The following FARP1 variants were observed in gnomAD, a reference collection of about 807,000 sequenced individuals.
FARP1 encodes the protein FERM, ARH/RhoGEF and pleckstrin domain protein 1.
In FARP1, 52 loss-of-function variants were observed where a neutral mutation model predicts 128.8. The ratio of observed to expected loss-of-function variants is 0.40; its 90% CI spans 0.32 to 0.51. The LOEUF is 0.51. FARP1 is among the 20% of genes least tolerant of loss of function. FARP1 has a pLI of 0.45. For synonymous variants in FARP1, 580 were observed against 551.8 expected (o/e 1.05, Z -0.72); for missense variants, 1,333 against 1,367.9 (o/e 0.97, Z 0.40).
intron 2 of FARP1, among the ~76,000 whole-genome samples, chr13:98,275,433 T>C (rs1488906211): frequency 6.6e-6 from 1 of 150,820 alleles, no homozygotes; most frequent in East Asian, 1.9e-4. Context: ...TGGCCATGAG[T>C]TGATGATTGT....
chr13:98,225,713 G>A (rs566302811), intron 2 of FARP1, among the ~76,000 whole-genome samples: 3 of 152,338 alleles, frequency 2.0e-5, no homozygotes, highest in South Asian at 4.1e-4. Flanking sequence ...GCCCTCCGGC[G>A]TCCTGCCAAC....
At chr13:98,225,569 G>A (rs940824391) in intron 2 of FARP1, among the ~76,000 whole-genome samples, 12 of 152,176 alleles carry the variant, frequency 7.9e-5, no homozygotes, top group African/African-American at 2.9e-4. Flanking sequence ...CTCTAAGGCA[G>A]ACTTTCCCGT....
At chr13:98,339,060 C>A (rs9582212) in intron 2 of FARP1, among the ~76,000 whole-genome samples, 5,883 of 152,188 alleles carry the variant, frequency 0.039, 393 homozygotes, top group African/African-American at 0.14. Flanking sequence ...TCTTGAAGCG[C>A]TTTAGGCTTA....
Position 98,453,327 on chromosome 13 carries a change from G to A in FARP1, c.*5010G>A. On this transcript the variant is annotated 3_prime_UTR_variant, in exon 27 of 27. Transcript: ENST00000319562. ...GAAATTCCAAGTCATACAAAAATAA[G>A]TGGAGCAAATATCAATGTGTAAGTC... The A allele has an allele frequency of 9.7e-7, 1 of 1,032,518 alleles. No individual in the cohort carries two copies. Among genetic ancestry groups the A allele is most frequent in the East Asian group, 2.4e-5 (1 of 40,992 alleles). The allele number at this position is 1,032,518 out of a possible 1,614,324, so 64.0% of individuals were successfully genotyped here. A position where few individuals can be genotyped will look rare whatever the true frequency, so the allele number is the denominator to read the frequency against.
chr13:98,301,910 C>G (rs984567540), intron 2 of FARP1, among the ~76,000 whole-genome samples: 2 of 152,038 alleles, frequency 1.3e-5, no homozygotes, highest in Non-Finnish European at 2.9e-5. Context: ...TTCGGGTGAC[C>G]GGATTTCTCA....
chr13:98,453,843 T>C lies in FARP1; in HGVS notation c.*5526T>C, dbSNP rs1017766420. ...ATATATATTAAAGCAATATTAAAAA[T>C]ATGTACAAGTTTAAAAGTACATACA... On this transcript the variant is annotated 3_prime_UTR_variant, in exon 27 of 27. Transcript: ENST00000319562. 1.3e-5 allele frequency: 2 copies of C among 152,202 alleles called. No homozygotes were observed. Among genetic ancestry groups the C allele is most frequent in the African/African-American group, 4.8e-5 (2 of 41,446 alleles). 9.4% of individuals were successfully genotyped at this position (152,202 alleles called of 1,614,324 possible).
intron 2 of FARP1, among the ~76,000 whole-genome samples, chr13:98,248,681 A>T (rs1883183091): frequency 6.6e-6 from 1 of 151,912 alleles, no homozygotes; most frequent in South Asian, 2.1e-4. Flanking sequence ...ATTACAGAAA[A>T]ATGTGAGTTG....
At position 98,343,793 on chromosome 13, in the gene FARP1, C is replaced by T; in HGVS notation, c.203C>T (p.Ala68Val). The T allele has an allele frequency of 6.2e-7, 1 of 1,614,046 alleles. No individual in the cohort carries two copies. Among genetic ancestry groups the T allele is most frequent in the Non-Finnish European group, 8.5e-7 (1 of 1,179,884 alleles). ...GCTCCTGGGAAGGTGCTGCTGGATG[C>T]AGTTTGCAACCACCTCAACCTCGTG... Reference protein sequence around the residue: ...QRAPGKVLLDAVCNHLNLVEG... With the variant: ...QRAPGKVLLDVVCNHLNLVEG... Residue 68 changes from alanine to valine, a missense_variant, in exon 3 of 27, where the codon GCA becomes GTA. Transcript: ENST00000319562.
chr13:98,358,096 G>A (rs1432622691), intron 3 of FARP1, among the ~76,000 whole-genome samples: 1 of 144,974 alleles, frequency 6.9e-6, no homozygotes, highest in Admixed American at 6.9e-5. Context: ...TCCTGACCTT[G>A]ACTACTTCCC....
chr13:98,207,681 G>T (rs193102256), intron 1 of FARP1, among the ~76,000 whole-genome samples: 1 of 151,716 alleles, frequency 6.6e-6, no homozygotes, highest in Non-Finnish European at 1.5e-5. Flanking sequence ...AAGGGGTGGG[G>T]TGGGGGAGGG....
chr13:98,444,626 A>G (rs1343340217), intron 24 of FARP1, among the ~76,000 whole-genome samples: 1 of 152,174 alleles, frequency 6.6e-6, no homozygotes, highest in Non-Finnish European at 1.5e-5. Context: ...GGAGCGAGGA[A>G]GGGCCGCTGG....
chr13:98,292,710 A>T (rs1410084326), intron 2 of FARP1, among the ~76,000 whole-genome samples: 1 of 152,192 alleles, frequency 6.6e-6, no homozygotes, highest in East Asian at 1.9e-4. Context: ...ATAAATTATC[A>T]TACATGTCAC....
In FARP1 at chr13:98,356,961, C is replaced by T. The variant is rs117922605; in HGVS notation, c.277-8434C>T. Among the ~76,000 whole-genome samples, 605 of 152,194 alleles carry T rather than the reference C, an allele frequency of 4.0e-3. 11 individuals carry two copies. The highest frequency in any genetic ancestry group is 0.01 in the East Asian group (54 of 5,176). ...AAATTACCCTTTTTTAAATCCCCAG[C>T]AATATTCTTTATTCTGACATCTGCA... On this transcript the variant is annotated intron_variant, in intron 3 of 26. Transcript: ENST00000319562.
intron 11 of FARP1, 92 bp from the exon 12 acceptor site, chr13:98,393,551 G>A (rs1423129100): frequency 1.0e-5 from 10 of 967,590 alleles, no homozygotes; most frequent in South Asian, 4.1e-5. Context: ...GCACTAATAC[G>A]TCCAACAAAA....
At chr13:98,181,627 T>TG (rs1410176235) in intron 1 of FARP1, among the ~76,000 whole-genome samples, 56 of 104,238 alleles carry the variant, frequency 5.4e-4, no homozygotes, top group Admixed American at 1.2e-3. Flanking sequence ...TTTATTTATT[T>TG]ATTTATTTAT....
chr13:98,406,608 C>T (rs1200029590), intron 13 of FARP1: 1 of 152,172 alleles, frequency 6.6e-6, no homozygotes, highest in African/African-American at 2.4e-5. Context: ...TCTTTAGGCT[C>T]CGTGAGTGAA....
chr13:98,180,544 T>G (rs866538991), intron 1 of FARP1, among the ~76,000 whole-genome samples: 2 of 152,206 alleles, frequency 1.3e-5, no homozygotes, highest in Non-Finnish European at 2.9e-5. Context: ...TTCTTGCAGT[T>G]CCTGGGATTT....
intron 1 of FARP1, among the ~76,000 whole-genome samples, chr13:98,188,197 G>A (rs1383361309): frequency 4.6e-5 from 7 of 152,106 alleles, no homozygotes; most frequent in Admixed American, 2.6e-4. Context: ...TGGGCCTCTT[G>A]TTCACAGGAG....
At chr13:98,200,386 C>CG (rs1879852952) in intron 1 of FARP1, among the ~76,000 whole-genome samples, 2 of 52,778 alleles carry the variant, frequency 3.8e-5, no homozygotes, top group South Asian at 1.0e-3. Flanking sequence ...ATGCAACCTT[C>CG]ACCCCCCCCC....
Sources: gnomAD v4.1 joint callset for allele counts (sites outside exome capture counted in the v4.1 genomes callset) on GRCh38, gnomAD v4.1.1 for gene constraint, MANE v1.5 for transcripts, NCBI Gene and HGNC (gene_info 2026-07-23, HGNC 2026-07-21) for gene names.